The following HYDIN variants were observed in gnomAD, a reference collection of about 807,000 sequenced individuals.
The protein encoded by HYDIN is axonemal central pair apparatus protein HYDIN.
Under a neutral mutation model 403.9 loss-of-function variants are expected in HYDIN, and 132 were observed. That is an observed-to-expected ratio of 0.33 (90% CI 0.28 to 0.38). HYDIN has a LOEUF of 0.38. Ranked by LOEUF, HYDIN falls within the 10% of genes least tolerant of loss-of-function variation. HYDIN has a pLI of 1.00. For synonymous variants in HYDIN, 1,202 were observed against 1,891.7 expected, an observed-to-expected ratio of 0.64 and a Z score of 9.46; for missense variants, 2,827 against 5,009.5, an observed-to-expected ratio of 0.56 and a Z score of 13.15.
At chr16:71,156,610 T>G (rs942748725) in intron 6 of HYDIN, among the ~76,000 whole-genome samples, 3 of 152,128 alleles carry the variant, frequency 2.0e-5, no homozygotes, top group Non-Finnish European at 2.9e-5. Flanking sequence ...TGAGAAAGAT[T>G]TGAGTTTTTG....
chr16:71,136,447 T>G (rs2084920244), intron 8 of HYDIN, among the ~76,000 whole-genome samples: 1 of 151,860 alleles, frequency 6.6e-6, no homozygotes. Flanking sequence ...CAAAATAGAT[T>G]ATTTTTAGGA....
intron 4 of HYDIN, among the ~76,000 whole-genome samples, chr16:71,178,428 A>T (rs1186225612): frequency 1.5e-3 from 172 of 115,606 alleles, no homozygotes; most frequent in South Asian, 7.2e-3. Flanking sequence ...TCAAAAAAAA[A>T]AAAAAAATAT....
At position 70,807,764 on chromosome 16, in the gene HYDIN, A is replaced by G; in HGVS notation, c.15182T>C (p.Phe5061Ser). ...CACAGACTCTCCAGCGCGAATGGTG[A>G]AGGCTGGGTTATCCACGATGATGGA... Reference protein sequence around the residue: ...TFSIIVDNPAFTIRAGESVRP... With the variant: ...TFSIIVDNPASTIRAGESVRP... Residue 5061 changes from phenylalanine to serine, a missense_variant, in exon 86 of 86, where the codon TTC (phenylalanine) becomes TCC (serine). Coordinates refer to ENST00000393567, the MANE Select transcript of HYDIN (RefSeq NM_001270974.2). 1 of 1,614,162 alleles carries G rather than the reference A, an allele frequency of 6.2e-7. No individual in the cohort carries two copies. Among genetic ancestry groups the G allele is most frequent in the Non-Finnish European group, 8.5e-7 (1 of 1,180,024 alleles).
chr16:70,930,956 T>G (rs2077302721), intron 45 of HYDIN, among the ~76,000 whole-genome samples: 1 of 152,098 alleles, frequency 6.6e-6, no homozygotes, highest in Admixed American at 6.6e-5. Flanking sequence ...ATGCCAACCC[T>G]GAGATGACTC....
At position 70,937,138 on chromosome 16, in the gene HYDIN, A is replaced by ATGTG. The variant is rs141908902; in HGVS notation, c.6996-1028_6996-1025dup. On this transcript the variant is annotated intron_variant, in intron 44 of 85. Transcript: ENST00000393567. ...TTTACTTCATGGTGTGTGTGTGTGC[A>ATGTG]TGTGTGTGTGTGTGTGTGCGCGTGT... 1.4e-4 allele frequency among the ~76,000 whole-genome samples: 20 copies of ATGTG among 146,138 alleles called. No homozygotes were observed. In the South Asian group the frequency reaches 3.4e-3, roughly 25 times the overall value.
intron 1 of HYDIN, among the ~76,000 whole-genome samples, chr16:71,196,313 C>T (rs139376913): frequency 4.7e-4 from 72 of 152,250 alleles, no homozygotes; most frequent in African/African-American, 1.7e-3. Context: ...AAGTTCATTG[C>T]CATCCCCAAT....
At chr16:70,943,394 T>C (rs2077742209) in intron 42 of HYDIN, among the ~76,000 whole-genome samples, 2 of 152,238 alleles carry the variant, frequency 1.3e-5, no homozygotes, top group Non-Finnish European at 2.9e-5. Context: ...GTGTGTAGTA[T>C]ACATTTCTAA....
In HYDIN at chr16:70,955,397, G is replaced by C. The variant is rs371667050; in HGVS notation, c.6294C>G (p.Ser2098=). ...ELCIRAAIEQ[S]VKEGEEAAQE... is the part of the protein sequence containing the mutation. ...TACCAGCCTCCTCTCCTTCCTTCAC[G>C]GACTGCTCTATGGCAGCCCTGATGC... is the stretch of plus-strand genomic sequence containing the variant. The change falls in exon 40 of 86, where the codon TCC becomes TCG. Residue 2098 remains serine (S), a synonymous_variant. Transcript: ENST00000393567. 5 of 1,609,750 alleles carry C rather than the reference G, an allele frequency of 3.1e-6. No homozygotes were observed. Among genetic ancestry groups the C allele is most frequent in the Non-Finnish European group, 4.2e-6 (5 of 1,178,810 alleles).
chr16:70,893,498 T>C (rs1270969910), intron 55 of HYDIN: 1 of 152,104 alleles, frequency 6.6e-6, no homozygotes, highest in Non-Finnish European at 1.5e-5. Context: ...TGATTTTGTG[T>C]TACTTTTTCT....
chr16:70,964,670 A>C (rs2143961908), intron 37 of HYDIN, 58 bp downstream of exon 37: 1 of 1,484,852 alleles, frequency 6.7e-7, no homozygotes, highest in African/African-American at 1.4e-5. Context: ...GAGCAGGGGT[A>C]ATTCAGAGGG....
chr16:71,007,463 G>A (rs2079924823), intron 23 of HYDIN, among the ~76,000 whole-genome samples: 1 of 152,100 alleles, frequency 6.6e-6, no homozygotes, highest in African/African-American at 2.4e-5. Context: ...GTCAGTAGAA[G>A]ACAGTGGTTA....
intron 71 of HYDIN, among the ~76,000 whole-genome samples, chr16:70,858,996 C>G (rs184821114): frequency 6.6e-6 from 1 of 151,332 alleles, no homozygotes; most frequent in East Asian, 1.9e-4. Flanking sequence ...TAAAATAGGG[C>G]TTCACATAGA....
At position 71,195,396 on chromosome 16, in the gene HYDIN, C is replaced by T. The variant is rs1424239808; in HGVS notation, c.-23-8478G>A. ...TCTGCTACAGTGAGGGCAAGGGCTA[C>T]TATACTCTGGAATGTTGATAAATAT... is the stretch of plus-strand genomic sequence containing the variant. On this transcript the variant is annotated intron_variant, in intron 1 of 85. Transcript: ENST00000393567. Among the ~76,000 whole-genome samples the T allele has an allele frequency of 2.6e-5, 4 of 152,256 alleles. No individual in the cohort carries two copies. In the South Asian group the frequency reaches 6.2e-4, roughly 24 times the overall value.
chr16:71,217,698 GGCACAAAA>G (rs1485808181), intron 1 of HYDIN, among the ~76,000 whole-genome samples: 2 of 152,098 alleles, frequency 1.3e-5, no homozygotes, highest in Non-Finnish European at 2.9e-5. Flanking sequence ...CTTACTTGTG[GGCACAAAA>G]GCCTGTACCT....
At chr16:71,081,157 G>T (rs8055471) in intron 12 of HYDIN, among the ~76,000 whole-genome samples, 58,553 of 151,368 alleles carry the variant, frequency 0.39, 11,750 homozygotes, top group East Asian at 0.55. Flanking sequence ...AAACTATTCA[G>T]TTATCTTGTT....
chr16:70,915,971 G>C (rs1180245317), intron 47 of HYDIN, among the ~76,000 whole-genome samples: 4 of 152,248 alleles, frequency 2.6e-5, no homozygotes, highest in South Asian at 2.1e-4. Flanking sequence ...GCAATCCAAA[G>C]GGCTGGTCTT....
intron 18 of HYDIN, among the ~76,000 whole-genome samples, chr16:71,053,531 G>A (rs1281941396): frequency 1.3e-5 from 2 of 151,952 alleles, no homozygotes; most frequent in Non-Finnish European, 2.9e-5. Flanking sequence ...TGTTGTAAAC[G>A]TAATTTTGAG....
intron 59 of HYDIN, 102 bp downstream of exon 59, chr16:70,883,818 G>A (rs1167456297): frequency 1.4e-5 from 20 of 1,397,546 alleles, no homozygotes; most frequent in South Asian, 1.2e-4. Flanking sequence ...TGATCTGCCC[G>A]CCTTGGCCTC....
chr16:70,845,649 C>T (rs561160213), intron 75 of HYDIN, among the ~76,000 whole-genome samples: 28 of 131,996 alleles, frequency 2.1e-4, no homozygotes, highest in African/African-American at 8.7e-4. Context: ...TGGTAGAATT[C>T]GGCTGTGAAT....
Sources: gnomAD v4.1 joint callset for allele counts (sites outside exome capture counted in the v4.1 genomes callset) on GRCh38, gnomAD v4.1.1 for gene constraint, MANE v1.5 for transcripts, NCBI Gene and HGNC (gene_info 2026-07-23, HGNC 2026-07-21) for gene names.